The following AZIN2 variants were observed in gnomAD, a reference collection of about 807,000 sequenced individuals.
AZIN2 encodes ODC antizyme inhibitor-2.
In AZIN2, 28 loss-of-function variants were observed where a neutral mutation model predicts 47.8. That is an observed-to-expected ratio of 0.59 (90% CI 0.43 to 0.80). The LOEUF is 0.80. AZIN2 is among the 30% of genes least tolerant of loss of function. The probability of loss-of-function intolerance (pLI) is 0.00; values close to 1 mark genes in which losing one functional copy is unlikely to be tolerated. For missense variants in AZIN2, 535 were observed against 582.5 expected (o/e 0.92, Z 0.84); for synonymous variants, 221 against 239.4 (o/e 0.92, Z 0.71).
intron 4 of AZIN2, chr1:33,083,706 T>G: frequency 1.8e-6 from 1 of 543,980 alleles, no homozygotes; most frequent in Non-Finnish European, 3.3e-6. Context: ...GGTGGGAAAA[T>G]GATCCAGCCT....
downstream of AZIN2, among the ~76,000 whole-genome samples, chr1:33,123,780 C>G (rs528833955): frequency 4.6e-5 from 7 of 152,278 alleles, no homozygotes; most frequent in African/African-American, 1.7e-4. Context: ...AGGCGGATCA[C>G]GAGGTCAGGA....
the AZIN2 span, among the ~76,000 whole-genome samples, chr1:33,150,463 G>C: frequency 6.6e-6 from 1 of 152,256 alleles, no homozygotes; most frequent in Non-Finnish European, 1.5e-5. Context: ...TCTTTGCCAG[G>C]AGTAAGTTTA....
At position 33,120,049 on chromosome 1, in the gene AZIN2, C is replaced by T. The variant is rs767784638; in HGVS notation, c.1250C>T (p.Ala417Val). The T allele has an allele frequency of 1.2e-5, 20 of 1,613,842 alleles. No individual in the cohort carries two copies. Among genetic ancestry groups the T allele is most frequent in the East Asian group, 4.5e-5 (2 of 44,890 alleles). Residue 417 changes from alanine to valine, a missense_variant, in exon 12 of 12, where the codon GCG becomes GTG. Physicochemically the swap from Ala to Val is moderately conservative, Grantham distance 64. Around this residue, in one of 3 missense-constraint regions of AZIN2, gnomAD observed 122 missense variants for 135.8 expected, o/e 0.90. Transcript: ENST00000294517. Reference sequence around the variant, plus strand: ...CACCCCTCTCTCACCCCTAGGGAAGCGCTGCGAAGGCAGCTGATGGCTGCA... The same window carrying T: ...CACCCCTCTCTCACCCCTAGGGAAGTGCTGCGAAGGCAGCTGATGGCTGCA... ...TYAMSRVAWE[A>V]LRRQLMAAEQ... is the part of the protein sequence containing the mutation.
At chr1:33,132,815 T>C in the AZIN2 span, among the ~76,000 whole-genome samples, 1 of 152,256 alleles carries the variant, frequency 6.6e-6, no homozygotes, top group Non-Finnish European at 1.5e-5. Context: ...ATAGTCAGAC[T>C]AGATGTCCTG....
At chr1:33,154,746 C>T in the AZIN2 span, among the ~76,000 whole-genome samples, 9 of 149,730 alleles carry the variant, frequency 6.0e-5, no homozygotes, top group Admixed American at 4.0e-4. Context: ...TGCAGTGAGC[C>T]GAGATCACGC....
At chr1:33,130,500 G>A in the AZIN2 span, among the ~76,000 whole-genome samples, 3 of 152,068 alleles carry the variant, frequency 2.0e-5, no homozygotes, top group Admixed American at 1.3e-4. Context: ...ACTAATCAAC[G>A]GCTAGCAAGG....
the AZIN2 span, chr1:33,141,745 G>C: frequency 2.4e-5 from 4 of 164,200 alleles, no homozygotes; most frequent in Non-Finnish European, 5.3e-5. Flanking sequence ...ATAGAAAACT[G>C]TTCTGATAGG....
At chr1:33,111,149 G>A (rs565162465) in intron 10 of AZIN2, among the ~76,000 whole-genome samples, 3 of 152,344 alleles carry the variant, frequency 2.0e-5, no homozygotes, top group Admixed American at 2.0e-4. Context: ...CCACTAAGGC[G>A]AATGCTACCA....
At chr1:33,088,447 A>G (rs974670235) in intron 5 of AZIN2, among the ~76,000 whole-genome samples, 1 of 152,204 alleles carries the variant, frequency 6.6e-6, no homozygotes, top group African/African-American at 2.4e-5. Flanking sequence ...CTATTCCCCC[A>G]GAATCCCCTT....
the AZIN2 span, chr1:33,159,915 G>A: frequency 8.7e-6 from 14 of 1,607,374 alleles, no homozygotes; most frequent in African/African-American, 8.0e-5. The surrounding 1 kb of genome is among the most constrained non-coding windows in gnomAD (Gnocchi z 4.2). Flanking sequence ...AGGCCTCGCC[G>A]ATAGTGGTCC....
chr1:33,150,188 G>A, the AZIN2 span, among the ~76,000 whole-genome samples: 1 of 152,244 alleles, frequency 6.6e-6, no homozygotes, highest in Non-Finnish European at 1.5e-5. Context: ...GAGGAAAAGT[G>A]GGAAGAAGGA....
At chr1:33,094,017 G>A (rs1478852339) in intron 7 of AZIN2, among the ~76,000 whole-genome samples, 1 of 152,198 alleles carries the variant, frequency 6.6e-6, no homozygotes, top group East Asian at 1.9e-4. Context: ...ACAGGTGTGA[G>A]CCACTGCACC....
intron 6 of AZIN2, 116 bp downstream of exon 6, chr1:33,092,338 C>A: frequency 6.6e-6 from 1 of 150,796 alleles, no homozygotes; most frequent in Non-Finnish European, 9.7e-6. Flanking sequence ...GGCTGGGCTT[C>A]AGAGTGAAGG....
the AZIN2 span, among the ~76,000 whole-genome samples, chr1:33,141,524 G>A: frequency 6.6e-6 from 1 of 152,190 alleles, no homozygotes; most frequent in African/African-American, 2.4e-5. Context: ...TAGTCTCACA[G>A]TTTTGGGAAG....
At chr1:33,101,991 G>A in intron 10 of AZIN2, 1 of 691,998 alleles carries the variant, frequency 1.4e-6, no homozygotes, top group Non-Finnish European at 2.7e-6. Flanking sequence ...CTGCTGCTGT[G>A]AATTCTTGTT....
At chr1:33,130,399 C>G in the AZIN2 span, among the ~76,000 whole-genome samples, 1 of 152,328 alleles carries the variant, frequency 6.6e-6, no homozygotes, top group Admixed American at 6.5e-5. Flanking sequence ...TGGGCACCTT[C>G]TCTTGCTCTC....
At chr1:33,159,634 A>G in the AZIN2 span, 1 of 1,564,556 alleles carries the variant, frequency 6.4e-7, no homozygotes, top group Non-Finnish European at 8.6e-7. The surrounding 1 kb of genome is among the most constrained non-coding windows in gnomAD (Gnocchi z 4.2). Flanking sequence ...ACTGCCCAGC[A>G]TGGGTCGAGG....
At chr1:33,137,836 G>A in the AZIN2 span, among the ~76,000 whole-genome samples, 1 of 152,134 alleles carries the variant, frequency 6.6e-6, no homozygotes, top group Non-Finnish European at 1.5e-5. Flanking sequence ...AGGCACTGTC[G>A]CTTGCCCAAC....
At chr1:33,091,989 T>A in intron 5 of AZIN2, 61 bp from the exon 6 acceptor site, 1 of 1,574,424 alleles carries the variant, frequency 6.4e-7, no homozygotes, top group Middle Eastern at 1.7e-4. Flanking sequence ...CTGTGCTTCC[T>A]TGGGCTCCGT....
Sources: allele counts gnomAD v4.1 joint callset (sites outside exome capture counted in the v4.1 genomes callset), GRCh38; gene constraint gnomAD v4.1.1; regional missense constraint gnomAD v4.1.1; non-coding constraint Gnocchi (gnomAD v3.1); transcripts MANE v1.5; gene names NCBI Gene and HGNC (gene_info 2026-07-23, HGNC 2026-07-21).